ZNF585A: variants seen among roughly 807,000 people sequenced by gnomAD.
The protein encoded by ZNF585A is zinc finger protein 585A.
A neutral mutation model predicts 14.9 loss-of-function variants in ZNF585A; 9 were observed. The ratio of observed to expected loss-of-function variants is 0.60; its 90% CI spans 0.36 to 1.05. The LOEUF is 1.05. ZNF585A is among the 50% of genes least tolerant of loss of function. The pLI, the probability that ZNF585A is intolerant of heterozygous loss-of-function variation, is 0.01. For missense variants in ZNF585A, 726 were observed against 926.4 expected, an observed-to-expected ratio of 0.78 and a Z score of 2.81; for synonymous variants, 276 against 319.9, an observed-to-expected ratio of 0.86 and a Z score of 1.46.
At position 37,151,613 on chromosome 19, in the gene ZNF585A, G is replaced by A. The variant is rs1610559; in HGVS notation, c.2286C>T (p.Ser762=). 739 of 1,612,688 alleles carry A rather than the reference G, an allele frequency of 4.6e-4. 1 individual carries two copies. The highest frequency in any genetic ancestry group is 1.5e-3 in the South Asian group (135 of 90,904). ...CTCAAGCGTGGCTGCTCTGATGGACGCTGAACACTGATTTCTGAACGAAGC... is the reference window on the plus strand; with the variant it reads ...CTCAAGCGTGGCTGCTCTGATGGACACTGAACACTGATTTCTGAACGAAGC... ...GKGFVQKSVF[S]VHQSSHA is the part of the protein sequence containing the mutation. Residue 762 remains serine, a synonymous_variant, in exon 5 of 5, where the codon AGC becomes AGT. Transcript: ENST00000292841.
rs140873071 is a variant in ZNF585A, at chr19:37,172,279, A to G, written c.-145+348T>C. 106 of 152,356 alleles carry G rather than the reference A, an allele frequency of 7.0e-4. 1 individual carries two copies. The highest frequency in any genetic ancestry group is 2.4e-3 in the African/African-American group (101 of 41,580). 9.4% of individuals were successfully genotyped at this position (152,356 alleles called of 1,614,324 possible). A position where few individuals can be genotyped will look rare whatever the true frequency, so the allele number is the denominator to read the frequency against. On this transcript the variant is annotated intron_variant, in intron 1 of 4. Transcript: ENST00000292841. ...CTTAGATTTGAACAATTTTTAATAC[A>G]AAGATTCACCAAAACTTGAGAATTT...
chr19:37,155,714 G>C, intron 4 of ZNF585A, 151 bp downstream of exon 4: 1 of 788,074 alleles, frequency 1.3e-6, no homozygotes, highest in Non-Finnish European at 2.0e-6. Flanking sequence ...TTAGTGATCT[G>C]AGAGGCCAAG....
chr19:37,151,424 T>A lies in ZNF585A; in HGVS notation c.*165A>T. ...ATGGTGACAATGTAGGAAGGGTCCCTCGCCTCATTCAGTGCCTTCTCAGAG... is the reference window on the plus strand; with the variant it reads ...ATGGTGACAATGTAGGAAGGGTCCCACGCCTCATTCAGTGCCTTCTCAGAG... On this transcript the variant is annotated 3_prime_UTR_variant, in exon 5 of 5. Transcript: ENST00000292841. 2 of 624,170 alleles carry A rather than the reference T, an allele frequency of 3.2e-6. No homozygotes were observed. The highest frequency in any genetic ancestry group is 5.5e-6 in the Non-Finnish European group (2 of 365,376). 38.7% of individuals were successfully genotyped at this position (624,170 alleles called of 1,614,324 possible).
chr19:37,163,443 A>T (rs1276902287), intron 2 of ZNF585A, among the ~76,000 whole-genome samples: 1 of 138,868 alleles, frequency 7.2e-6, no homozygotes, highest in Non-Finnish European at 1.6e-5. Flanking sequence ...TCAGTAAAAA[A>T]GTAAAAAAAA....
chr19:37,156,236 G>C lies in ZNF585A; in HGVS notation c.192C>G (p.Leu64=). The change falls in exon 3 of 5, where the codon CTC becomes CTG. Residue 64 remains leucine, a synonymous_variant. Transcript: ENST00000292841. ...DVMLETYSHL[L]SVGYQVPEAE... ...CAAGGTGACTGTGCTTACCTACTGA[G>C]AGCAGGTGGCTGTAGGTCTCCAGCA... 6.2e-7 allele frequency: 1 copy of C among 1,614,128 alleles called. No individual in the cohort carries two copies. Among genetic ancestry groups the C allele is most frequent in the Non-Finnish European group, 8.5e-7 (1 of 1,179,994 alleles).
intron 2 of ZNF585A, among the ~76,000 whole-genome samples, chr19:37,167,115 T>A (rs1347093706): frequency 6.6e-6 from 1 of 151,640 alleles, no homozygotes; most frequent in Non-Finnish European, 1.5e-5. Flanking sequence ...ATTACAGGCA[T>A]GAGCCACTAC....
chr19:37,158,690 T>A (rs556015348), intron 2 of ZNF585A, among the ~76,000 whole-genome samples: 4 of 152,204 alleles, frequency 2.6e-5, no homozygotes, highest in Non-Finnish European at 5.9e-5. Context: ...CTTGTGGACT[T>A]TCACTAATTA....
At position 37,146,036 on chromosome 19, in the gene ZNF585A, G is replaced by C. The variant is rs73622717; in HGVS notation, c.*5553C>G. On this transcript the variant is annotated 3_prime_UTR_variant, in exon 5 of 5. Transcript: ENST00000292841. ...TATGGCATGGTGTACGGTATGGTAC[G>C]GTATGAGGAATGTGGAGTAGAGTGT... is the stretch of plus-strand genomic sequence containing the variant. 1 of 152,150 alleles carries C rather than the reference G, an allele frequency of 6.6e-6. No homozygotes were observed. The highest frequency in any genetic ancestry group is 1.5e-5 in the Non-Finnish European group (1 of 68,048). The allele number at this position is 152,150 out of a possible 1,614,324, so 9.4% of individuals were successfully genotyped here.
intron 4 of ZNF585A, among the ~76,000 whole-genome samples, chr19:37,154,945 T>C (rs1354840928): frequency 1.3e-5 from 2 of 151,056 alleles, no homozygotes; most frequent in African/African-American, 4.9e-5. Context: ...ATGGGGAATG[T>C]AGGGGAAAAG....
At chr19:37,171,349 A>C (rs566052875) in intron 1 of ZNF585A, among the ~76,000 whole-genome samples, 4 of 152,362 alleles carry the variant, frequency 2.6e-5, no homozygotes, top group African/African-American at 9.6e-5. Context: ...ATACCACAAA[A>C]AAAAGTAGGA....
At chr19:37,168,872 GA>G (rs138923903) in intron 2 of ZNF585A, among the ~76,000 whole-genome samples, 3,355 of 152,072 alleles carry the variant, frequency 0.022, 130 homozygotes, top group African/African-American at 0.077. Context: ...GAAATAGAAA[GA>G]AAAAAATGTG....
rs1254016714 is a variant in ZNF585A, at chr19:37,152,638, G to C, written c.1261C>G (p.Gln421Glu). The C allele has an allele frequency of 2.5e-6, 4 of 1,613,902 alleles. No homozygotes were observed. The highest frequency in any genetic ancestry group is 3.4e-6 in the Non-Finnish European group (4 of 1,179,972). ...ICMKCGLAFI[Q>E]KAHLIAHQII... ...TGATGTGCAATCAAGTGTGCCTTCT[G>C]AATGAAGGCCAGTCCACATTTCATG... is the stretch of plus-strand genomic sequence containing the variant. The change falls in exon 5 of 5, where the codon CAG becomes GAG. Residue 421 changes from glutamine to glutamate, a missense_variant. Around this residue, in one of 2 missense-constraint regions of ZNF585A, gnomAD observed 483 missense variants for 542.8 expected, o/e 0.89. Transcript: ENST00000292841.
chr19:37,156,299 G>T lies in ZNF585A; in HGVS notation c.129C>A (p.His43Gln), dbSNP rs1971930257. ...ACAGGTTTCTCTGAGAAGGGTCCAG[G>T]TGCCGCCATTCCTCTCTGCTGAAAT... ...AIDFSREEWR[H>Q]LDPSQRNLYR... Residue 43 changes from histidine to glutamine, a missense_variant, in exon 3 of 5, where the codon CAC becomes CAA. By Grantham distance (24) the His-to-Gln change is conservative. Transcript: ENST00000292841. 2 of 1,614,138 alleles carry T rather than the reference G, an allele frequency of 1.2e-6. No homozygotes were observed. Among genetic ancestry groups the T allele is most frequent in the Non-Finnish European group, 1.7e-6 (2 of 1,180,028 alleles).
chr19:37,152,591 T>C lies in ZNF585A; in HGVS notation c.1308A>G (p.Lys436=). ...IAHQIIHTGE[K]PHKCGHCGKL... is the part of the protein sequence containing the mutation. Reference sequence around the variant, plus strand: ...TCCCACAGTGACCACATTTATGAGGTTTCTCTCCAGTATGAATTATTTGAT... The same window carrying C: ...TCCCACAGTGACCACATTTATGAGGCTTCTCTCCAGTATGAATTATTTGAT... Residue 436 remains lysine, a synonymous_variant, in exon 5 of 5, where the codon AAA becomes AAG. Transcript: ENST00000292841. 1 of 1,614,116 alleles carries C rather than the reference T, an allele frequency of 6.2e-7. No homozygotes were observed. Among genetic ancestry groups the C allele is most frequent in the Non-Finnish European group, 8.5e-7 (1 of 1,180,032 alleles).
chr19:37,152,672 C>A lies in ZNF585A; in HGVS notation c.1227G>T (p.Ser409=). ...CCAGTCCACATTTCATGCATATATA[C>A]GATTTTTCTCCTGTATGAATTCTCT... ...VHQRIHTGEK[S]YICMKCGLAF... Residue 409 remains serine, a synonymous_variant, in exon 5 of 5, where the codon TCG becomes TCT. Coordinates refer to ENST00000292841, the MANE Select transcript of ZNF585A (RefSeq NM_001288800.2). 1.2e-6 allele frequency: 2 copies of A among 1,613,794 alleles called. No homozygotes were observed. The highest frequency in any genetic ancestry group is 8.5e-7 in the Non-Finnish European group (1 of 1,179,876).
intron 2 of ZNF585A, among the ~76,000 whole-genome samples, chr19:37,169,431 A>T (rs1972147195): frequency 6.6e-6 from 1 of 151,430 alleles, no homozygotes; most frequent in East Asian, 1.9e-4. Context: ...GAAAAACAGA[A>T]ATGTAAAAAA....
At chr19:37,155,643 C>G (rs916650097) in intron 4 of ZNF585A, among the ~76,000 whole-genome samples, 1 of 151,928 alleles carries the variant, frequency 6.6e-6, no homozygotes, top group Non-Finnish European at 1.5e-5. Context: ...CAACACAGCC[C>G]CGGCTGCGAC....
rs963408960 is a variant in ZNF585A, at chr19:37,147,988, T to C, written c.*3601A>G. 2 of 152,216 alleles carry C rather than the reference T, an allele frequency of 1.3e-5. No individual in the cohort carries two copies. The highest frequency in any genetic ancestry group is 4.8e-5 in the African/African-American group (2 of 41,458). The allele number at this position is 152,216 out of a possible 1,614,324, so 9.4% of individuals were successfully genotyped here. The stretch of plus-strand genomic sequence containing the variant: ...TACAATTGCTGTGAACATCTGAGTA[T>C]AGGTTTTCATGTAAACAGAATTTTT... On this transcript the variant is annotated 3_prime_UTR_variant, in exon 5 of 5. Coordinates refer to ENST00000292841, the MANE Select transcript of ZNF585A (RefSeq NM_001288800.2).
At chr19:37,161,173 A>G (rs1223159781) in intron 2 of ZNF585A, among the ~76,000 whole-genome samples, 3 of 26,684 alleles carry the variant, frequency 1.1e-4, no homozygotes, top group Non-Finnish European at 6.5e-5. Flanking sequence ...TCAGACAAAC[A>G]CAGTAACAAA....
Sources: allele counts gnomAD v4.1 joint callset (sites outside exome capture counted in the v4.1 genomes callset), GRCh38; gene constraint gnomAD v4.1.1; regional missense constraint gnomAD v4.1.1; transcripts MANE v1.5; gene names NCBI Gene and HGNC (gene_info 2026-07-23, HGNC 2026-07-21).